The following MAP3K2 variants were observed in gnomAD, a reference collection of about 807,000 sequenced individuals.
MAP3K2 encodes MAP/ERK kinase kinase 2.
Under a neutral mutation model 80.3 loss-of-function variants are expected in MAP3K2, and 24 were observed. The observed-to-expected ratio is 0.30, with a 90% CI of 0.22 to 0.42. MAP3K2 has a LOEUF of 0.42. Among genes scored for constraint, MAP3K2 ranks in the 10% least tolerant of loss-of-function variants. The pLI is 1.00. For missense variants in MAP3K2, 608 were observed against 750.1 expected (o/e 0.81, Z 2.21); for synonymous variants, 244 against 253.7 (o/e 0.96, Z 0.36).
At chr2:127,342,915 G>A (rs1257246263) in intron 2 of MAP3K2, among the ~76,000 whole-genome samples, 1 of 152,136 alleles carries the variant, frequency 6.6e-6, no homozygotes, top group African/African-American at 2.4e-5. Flanking sequence ...TGTCCCTGCT[G>A]TTACGCATAA....
chr2:127,349,408 C>T lies in MAP3K2; in HGVS notation c.-65-6214G>A, dbSNP rs180975068. Among the ~76,000 whole-genome samples, 4 of 152,210 alleles carry T rather than the reference C, an allele frequency of 2.6e-5. No homozygotes were observed. In the East Asian group the frequency reaches 7.7e-4, roughly 29 times the overall value. On this transcript the variant is annotated intron_variant, in intron 1 of 16. Coordinates refer to ENST00000682094, the MANE Select transcript of MAP3K2 (RefSeq NM_001371910.2). ...CTCAAACTCCTGGGCTCAAGCAATC[C>T]TCCTGCCTCGGCCTCTCAAAGTGTT...
chr2:127,330,600 C>A, intron 5 of MAP3K2, 95 bp from the exon 6 acceptor site: 1 of 574,950 alleles, frequency 1.7e-6, no homozygotes, highest in South Asian at 2.5e-5. Flanking sequence ...TGTCAAAATA[C>A]CTTGCTCTTT....
At chr2:127,387,383 C>G in intron 1 of MAP3K2, 69 bp downstream of exon 1, 1 of 807,616 alleles carries the variant, frequency 1.2e-6, no homozygotes, top group South Asian at 5.6e-5. Flanking sequence ...CCCGCGGCCC[C>G]CGACACACAC....
chr2:127,349,823 T>G (rs1181062088), intron 1 of MAP3K2, among the ~76,000 whole-genome samples: 1 of 152,134 alleles, frequency 6.6e-6, no homozygotes, highest in Admixed American at 6.5e-5. Flanking sequence ...AAGTTTTATT[T>G]AGTATATTCT....
chr2:127,339,126 C>T lies in MAP3K2; in HGVS notation c.5-76G>A, dbSNP rs982025814. 4.7e-6 allele frequency: 4 copies of T among 845,892 alleles called. No individual in the cohort carries two copies. The highest frequency in any genetic ancestry group is 5.8e-5 in the Admixed American group (2 of 34,636). 52.4% of individuals were successfully genotyped at this position (845,892 alleles called of 1,614,324 possible). On this transcript the variant is annotated intron_variant, in intron 2 of 16. Transcript: ENST00000682094. This position sits in a 1 kb window ranked among gnomAD's most constrained non-coding sequence, Gnocchi z 4.2. ...TATCAACATGTATAGACATCAAACA[C>T]AAAATTTAAAATAAAATTTGATGTA...
intron 1 of MAP3K2, among the ~76,000 whole-genome samples, chr2:127,383,646 C>T (rs1027200150): frequency 6.6e-6 from 1 of 152,146 alleles, no homozygotes; most frequent in African/African-American, 2.4e-5. Flanking sequence ...ACTTTTCCAA[C>T]TTGGATGCAT....
At chr2:127,345,092 G>T (rs1686574284) in intron 1 of MAP3K2, among the ~76,000 whole-genome samples, 1 of 152,188 alleles carries the variant, frequency 6.6e-6, no homozygotes, top group South Asian at 2.1e-4. Flanking sequence ...GGGCTAAAGT[G>T]ATCCTCCCAG....
At position 127,357,726 on chromosome 2, in the gene MAP3K2, A is replaced by G. The variant is rs145618976; in HGVS notation, c.-65-14532T>C. On this transcript the variant is annotated intron_variant, in intron 1 of 16. Transcript: ENST00000682094. ...TAATTTTTTTTAAAGGGCTAAGGCTATTCAATGGGGAAAGGATAATCTTTT... is the reference window on the plus strand; with the variant it reads ...TAATTTTTTTTAAAGGGCTAAGGCTGTTCAATGGGGAAAGGATAATCTTTT... Among the ~76,000 whole-genome samples, 173 of 152,300 alleles carry G rather than the reference A, an allele frequency of 1.1e-3. 2 individuals are homozygous for G. In the South Asian group the frequency reaches 0.018, roughly 16 times the overall value.
rs1686029209 is a variant in MAP3K2, at chr2:127,321,968, G to A, written c.1045+78C>T. 3 of 1,280,612 alleles carry A rather than the reference G, an allele frequency of 2.3e-6. No homozygotes were observed. Among genetic ancestry groups the A allele is most frequent in the Non-Finnish European group, 3.3e-6 (3 of 905,848 alleles). The allele number at this position is 1,280,612 out of a possible 1,614,324, so 79.3% of individuals were successfully genotyped here. On this transcript the variant is annotated intron_variant, in intron 12 of 16. Transcript: ENST00000682094. The surrounding 1 kb of genome is among the most constrained non-coding windows in gnomAD (Gnocchi z 4.4). ...TCATCTGACCCCAAAAACTCACTTA[G>A]TATTTATTCCTTTTAATAATATAAA...
At position 127,321,513 on chromosome 2, in the gene MAP3K2, A is replaced by G. The variant is rs2104820677; in HGVS notation, c.1045+533T>C. Among the ~76,000 whole-genome samples the G allele has an allele frequency of 6.6e-6, 1 of 152,376 alleles. No homozygotes were observed. Among genetic ancestry groups the G allele is most frequent in the South Asian group, 2.1e-4 (1 of 4,834 alleles). ...ATGAATCTTTGTATGCACTGCTTAC[A>G]CAGTAAGGTCTGAATGCTTTGCAAT... On this transcript the variant is annotated intron_variant, in intron 12 of 16. Transcript: ENST00000682094. This position sits in a 1 kb window ranked among gnomAD's most constrained non-coding sequence, Gnocchi z 4.4.
Position 127,346,409 on chromosome 2 carries a change from T to TAA in MAP3K2, c.-65-3216_-65-3215insTT, listed in dbSNP as rs1223353072. The stretch of plus-strand genomic sequence containing the variant: ...TTTACAGAATTTACAAAAACTGGTT[T>TAA]TAAAAAAAAAAAAAAAAAAAAAAGA... On this transcript the variant is annotated intron_variant, in intron 1 of 16. Transcript: ENST00000682094. Among the ~76,000 whole-genome samples the TAA allele has an allele frequency of 9.7e-3, 828 of 85,192 alleles. 8 individuals carry two copies. Among genetic ancestry groups the TAA allele is most frequent in the African/African-American group, 0.032 (783 of 24,242 alleles). The allele number at this position is 85,192 out of a possible 152,430, so 55.9% of individuals were successfully genotyped here.
intron 1 of MAP3K2, among the ~76,000 whole-genome samples, chr2:127,365,645 G>T (rs1448029539): frequency 6.6e-6 from 1 of 152,146 alleles, no homozygotes; most frequent in East Asian, 1.9e-4. Flanking sequence ...CACAAAAGAG[G>T]CAGCTACACA....
intron 2 of MAP3K2, among the ~76,000 whole-genome samples, chr2:127,342,231 G>A (rs1453249389): frequency 6.6e-6 from 1 of 152,114 alleles, no homozygotes; most frequent in African/African-American, 2.4e-5. Flanking sequence ...GGGCTACAAG[G>A]GGGCACTGCT....
chr2:127,330,644 T>A (rs976164777), intron 5 of MAP3K2, 139 bp from the exon 6 acceptor site: 30 of 472,546 alleles, frequency 6.3e-5, no homozygotes, highest in Non-Finnish European at 1.1e-4. Flanking sequence ...TGAATGTGTA[T>A]GTGTATATTG....
rs773342422 is a variant in MAP3K2, at chr2:127,351,088, G to A, written c.-65-7894C>T. ...TCGAAATCATGAAAGTCAAGGAAACGTTATGGCTGTTCTAGATTGAAATAC... is the reference window on the plus strand; with the variant it reads ...TCGAAATCATGAAAGTCAAGGAAACATTATGGCTGTTCTAGATTGAAATAC... On this transcript the variant is annotated intron_variant, in intron 1 of 16. Coordinates refer to ENST00000682094, the MANE Select transcript of MAP3K2 (RefSeq NM_001371910.2). Among the ~76,000 whole-genome samples, 19 of 152,218 alleles carry A rather than the reference G, an allele frequency of 1.2e-4. No homozygotes were observed. The East Asian group carries it at 1.3e-3, about 11-fold the overall frequency.
At chr2:127,380,577 A>T (rs1687228773) in intron 1 of MAP3K2, among the ~76,000 whole-genome samples, 1 of 152,202 alleles carries the variant, frequency 6.6e-6, no homozygotes, top group Admixed American at 6.5e-5. Context: ...CTATCCTCCT[A>T]TTAGTTGGGA....
chr2:127,318,430 TAAGGAA>T, intron 12 of MAP3K2, 113 bp from the exon 13 acceptor site: 1 of 780,724 alleles, frequency 1.3e-6, no homozygotes, highest in Non-Finnish European at 1.8e-6. Flanking sequence ...TACTTGGATA[TAAGGAA>T]AAATTATGAT....
rs544321212 is a variant in MAP3K2, at chr2:127,336,126, A to G, written c.165-157T>C. ...CAACAGCACATTTTTTAACACAGGCACACATTTTCAACACAAAGTTCAAAA... is the reference window on the plus strand; with the variant it reads ...CAACAGCACATTTTTTAACACAGGCGCACATTTTCAACACAAAGTTCAAAA... On this transcript the variant is annotated intron_variant, in intron 4 of 16. Transcript: ENST00000682094. Among the ~76,000 whole-genome samples, 4 of 152,358 alleles carry G rather than the reference A, an allele frequency of 2.6e-5. No homozygotes were observed. In the East Asian group the frequency reaches 7.7e-4, roughly 29 times the overall value.
chr2:127,377,674 T>A (rs1687174447), intron 1 of MAP3K2, among the ~76,000 whole-genome samples: 1 of 152,250 alleles, frequency 6.6e-6, no homozygotes, highest in South Asian at 2.1e-4. Context: ...ATGAATTTTC[T>A]GGCACACAGT....
Sources: gnomAD v4.1 joint callset for allele counts (sites outside exome capture counted in the v4.1 genomes callset) on GRCh38, gnomAD v4.1.1 for gene constraint, Gnocchi (gnomAD v3.1) non-coding constraint, MANE v1.5 for transcripts, NCBI Gene and HGNC (gene_info 2026-07-23, HGNC 2026-07-21) for gene names.